PCDH11Y: variants seen among roughly 807,000 people sequenced by gnomAD.
PCDH11Y encodes the protein protocadherin-11 Y-linked.
For missense variants in PCDH11Y, 12 were observed against 224.8 expected (o/e 0.05, Z 6.05); for synonymous variants, 9 against 83.6 (o/e 0.11, Z 4.87).
chrY:5,591,952 G>A (rs2053462779), intron 4 of PCDH11Y, among the ~76,000 whole-genome samples: 1 of 33,212 alleles, frequency 3.0e-5, no homozygotes, highest in Admixed American at 2.8e-4. Flanking sequence ...TTTTGTGTCC[G>A]ATTATGTGGT....
At chrY:5,345,809 G>A (rs35904485) in intron 2 of PCDH11Y, among the ~76,000 whole-genome samples, 1 of 31,401 alleles carries the variant, frequency 3.2e-5, no homozygotes, top group African/African-American at 1.3e-4. Context: ...GATTACAGGC[G>A]TCTGCCACCA....
At chrY:5,286,359 T>TC (rs2053060484) in intron 2 of PCDH11Y, among the ~76,000 whole-genome samples, 1 of 33,170 alleles carries the variant, frequency 3.0e-5, no homozygotes, top group Non-Finnish European at 7.5e-5. Context: ...TTTGGGTTGA[T>TC]TTTTTTGTTT....
At chrY:5,427,506 G>T (rs1279966153) in intron 2 of PCDH11Y, among the ~76,000 whole-genome samples, 1 of 31,446 alleles carries the variant, frequency 3.2e-5, no homozygotes, top group Non-Finnish European at 7.8e-5. Flanking sequence ...AGGTATTTTT[G>T]ACTTTGTCTG....
intron 3 of PCDH11Y, among the ~76,000 whole-genome samples, chrY:5,524,063 A>G (rs2053383996): frequency 2.9e-5 from 1 of 33,988 alleles, no homozygotes; most frequent in Non-Finnish European, 7.4e-5. Flanking sequence ...CCAAAATATT[A>G]TAGGGGAAAA....
intron 4 of PCDH11Y, among the ~76,000 whole-genome samples, chrY:5,671,774 T>C (rs2053549420): frequency 3.1e-5 from 1 of 31,872 alleles, no homozygotes; most frequent in Non-Finnish European, 7.7e-5. Context: ...TTGTTCTAGC[T>C]AGTTCTTGCT....
chrY:5,591,332 TAA>T (rs2053461378), intron 4 of PCDH11Y, among the ~76,000 whole-genome samples: 1 of 33,208 alleles, frequency 3.0e-5, no homozygotes. Context: ...GCTATGATTA[TAA>T]GTTTCCTGAG....
At chrY:5,318,190 A>T (rs2053109060) in intron 2 of PCDH11Y, among the ~76,000 whole-genome samples, 1 of 33,167 alleles carries the variant, frequency 3.0e-5, no homozygotes, top group Non-Finnish European at 7.4e-5. Context: ...GTCTCCTATG[A>T]TTTTATACCT....
chrY:5,521,800 G>A, intron 3 of PCDH11Y, among the ~76,000 whole-genome samples: 1 of 33,204 alleles, frequency 3.0e-5, no homozygotes. Context: ...ACTGGAATGC[G>A]TGTAATAAAG....
intron 4 of PCDH11Y, among the ~76,000 whole-genome samples, chrY:5,658,461 C>A: frequency 3.0e-5 from 1 of 32,987 alleles, no homozygotes; most frequent in Non-Finnish European, 7.5e-5. Flanking sequence ...TTAGATTTAC[C>A]CTTTTGAGGA....
chrY:5,603,372 A>G (rs2053474505), intron 4 of PCDH11Y, among the ~76,000 whole-genome samples: 2 of 30,322 alleles, frequency 6.6e-5, no homozygotes, highest in Non-Finnish European at 1.6e-4. Context: ...GAGTAGATCA[A>G]CTAATTATAT....
At position 5,289,370 on chromosome Y, in the gene PCDH11Y, GA is replaced by G. The variant is rs750418959; in HGVS notation, c.3129+188664del. 1.1e-3 allele frequency among the ~76,000 whole-genome samples: 37 copies of G among 34,037 alleles called. No individual in the cohort carries two copies. The South Asian group carries it at 0.024, about 23-fold the overall frequency. The allele number at this position is 34,037 out of a possible 37,273, so 91.3% of individuals were successfully genotyped here. ...TTCTCCCCGGGAGAGGCAGTTTAAT[GA>G]GCTCGGGGCCAATACAAAAGATCAA... On this transcript the variant is annotated intron_variant, in intron 2 of 4. Coordinates refer to the PCDH11Y transcript ENST00000400457.
chrY:5,547,869 C>T, intron 3 of PCDH11Y, among the ~76,000 whole-genome samples: 1 of 31,653 alleles, frequency 3.2e-5, no homozygotes, highest in Non-Finnish European at 7.7e-5. Context: ...TTTTCATGCC[C>T]CTGAAAAAGA....
intron 3 of PCDH11Y, among the ~76,000 whole-genome samples, chrY:5,543,441 G>A (rs2053409881): frequency 5.8e-5 from 2 of 34,391 alleles, no homozygotes; most frequent in Admixed American, 5.3e-4. Context: ...AATTTCCCAT[G>A]GCAATTGATT....
intron 2 of PCDH11Y, among the ~76,000 whole-genome samples, chrY:5,170,443 G>T (rs2052885428): frequency 3.4e-5 from 1 of 29,734 alleles, no homozygotes; most frequent in African/African-American, 1.3e-4. Flanking sequence ...CAATTCTTGG[G>T]GTTGAGAGCA....
At chrY:5,198,271 C>A (rs2052923223) in intron 2 of PCDH11Y, among the ~76,000 whole-genome samples, 1 of 26,173 alleles carries the variant, frequency 3.8e-5, no homozygotes, top group African/African-American at 1.5e-4. Flanking sequence ...CCTCAGACTC[C>A]CAAGTAGCTG....
intron 2 of PCDH11Y, among the ~76,000 whole-genome samples, chrY:5,221,619 C>T (rs2124652623): frequency 4.0e-5 from 1 of 25,094 alleles, no homozygotes; most frequent in African/African-American, 1.6e-4. Flanking sequence ...TATATAAATT[C>T]GCAACTGGTA....
At chrY:5,047,210 G>T (rs2052644692) in intron 3 of PCDH11Y, among the ~76,000 whole-genome samples, 1 of 33,027 alleles carries the variant, frequency 3.0e-5, no homozygotes, top group African/African-American at 1.1e-4. Context: ...TAAATATAAT[G>T]TCTTAAAATT....
At chrY:5,497,494 TG>T (rs2053346507) in intron 2 of PCDH11Y, among the ~76,000 whole-genome samples, 3 of 33,856 alleles carry the variant, frequency 8.9e-5, no homozygotes, top group African/African-American at 3.5e-4. Flanking sequence ...TGGGGTTGTT[TG>T]TTTTTTTCTT....
At chrY:5,529,465 TAA>T (rs2053390781) in intron 3 of PCDH11Y, among the ~76,000 whole-genome samples, 3 of 32,122 alleles carry the variant, frequency 9.3e-5, no homozygotes, top group South Asian at 1.4e-3. Context: ...TGAAAAAAAC[TAA>T]AAGAGTGTAA....
Sources: gnomAD v4.1 joint callset for allele counts (sites outside exome capture counted in the v4.1 genomes callset) on GRCh38, gnomAD v4.1.1 for gene constraint, MANE v1.5 for transcripts, NCBI Gene and HGNC (gene_info 2026-07-23, HGNC 2026-07-21) for gene names.